NEXN: variants seen among roughly 807,000 people sequenced by gnomAD.
NEXN encodes the protein nexilin F-actin binding protein, also known as nexilin.
In NEXN, 65 loss-of-function variants were observed where a neutral mutation model predicts 92.6. That is an observed-to-expected ratio of 0.70 (90% CI 0.57 to 0.86). NEXN has a LOEUF of 0.86. Among genes scored for constraint, NEXN ranks in the 40% least tolerant of loss-of-function variants. NEXN has a pLI of 0.00. For synonymous variants in NEXN, 254 were observed against 242.5 expected, an observed-to-expected ratio of 1.05 and a Z score of -0.44; for missense variants, 778 against 771.1, an observed-to-expected ratio of 1.01 and a Z score of -0.11.
intron 7 of NEXN, 36 bp from the exon 8 acceptor site, chr1:77,926,678 TTA>T: frequency 1.2e-5 from 19 of 1,613,834 alleles, no homozygotes; most frequent in Non-Finnish European, 1.6e-5. Flanking sequence ...GCATTTTCCT[TTA>T]TGACTAAAAG....
At position 77,943,289 on chromosome 1, in the gene NEXN, T is replaced by A. The variant is rs527763693; in HGVS notation, c.*460T>A. 9.9e-4 allele frequency: 175 copies of A among 176,874 alleles called. No homozygotes were observed. The highest frequency in any genetic ancestry group is 4.0e-3 in the African/African-American group (168 of 41,568). The allele number at this position is 176,874 out of a possible 1,614,324, so 11.0% of individuals were successfully genotyped here. ...GAATACATTATTTTGCATGAAGGAATGTCATTTCTGAGCTTTTTACACCTA... is the reference window on the plus strand; with the variant it reads ...GAATACATTATTTTGCATGAAGGAAAGTCATTTCTGAGCTTTTTACACCTA... On this transcript the variant is annotated 3_prime_UTR_variant, in exon 13 of 13. Transcript: ENST00000334785.
At chr1:77,898,667 T>C (rs1222979744) in intron 1 of NEXN, among the ~76,000 whole-genome samples, 2 of 152,138 alleles carry the variant, frequency 1.3e-5, no homozygotes, top group East Asian at 1.9e-4. Context: ...AAATGGAATC[T>C]AATTAAACTA....
chr1:77,892,561 G>A (rs756766103), intron 1 of NEXN, among the ~76,000 whole-genome samples: 5 of 152,124 alleles, frequency 3.3e-5, no homozygotes, highest in Non-Finnish European at 5.9e-5. Flanking sequence ...TGCAGTCCCC[G>A]ATCTAAGTAT....
At chr1:77,890,677 T>G (rs1647085534) in intron 1 of NEXN, among the ~76,000 whole-genome samples, 1 of 152,156 alleles carries the variant, frequency 6.6e-6, no homozygotes, top group African/African-American at 2.4e-5. Context: ...GCTTAGAATC[T>G]GAGCGGCCTA....
intron 5 of NEXN, among the ~76,000 whole-genome samples, chr1:77,920,207 T>A (rs1485783064): frequency 2.0e-5 from 3 of 152,188 alleles, no homozygotes; most frequent in African/African-American, 2.4e-5. Flanking sequence ...AGTAATTTTA[T>A]CTTGTAAATA....
chr1:77,900,802 T>C (rs1349825068), intron 1 of NEXN, among the ~76,000 whole-genome samples: 1 of 152,220 alleles, frequency 6.6e-6, no homozygotes, highest in East Asian at 1.9e-4. Flanking sequence ...AATCGTATTC[T>C]TGATAACGAT....
intron 9 of NEXN, among the ~76,000 whole-genome samples, chr1:77,931,416 A>G (rs1650297635): frequency 3.8e-5 from 1 of 26,094 alleles, no homozygotes; most frequent in African/African-American, 1.7e-4. Flanking sequence ...CCGTCTCAAA[A>G]AAAAAAAAAA....
At chr1:77,908,419 A>C (rs1462383318) in intron 1 of NEXN, among the ~76,000 whole-genome samples, 1 of 27,248 alleles carries the variant, frequency 3.7e-5, no homozygotes, top group Non-Finnish European at 7.5e-5. Flanking sequence ...TTTTTTTTTG[A>C]GACAGAGTTT....
rs189246211 is a variant in NEXN, at chr1:77,925,000, T to A, written c.448-188T>A. Reference sequence around the variant, plus strand: ...TATGTTGTTTTCTGGATATTGATATTGATATCAATATGCAACAATAAATAT... The same window carrying A: ...TATGTTGTTTTCTGGATATTGATATAGATATCAATATGCAACAATAAATAT... On this transcript the variant is annotated intron_variant, in intron 5 of 12. Coordinates refer to ENST00000334785, the MANE Select transcript of NEXN (RefSeq NM_144573.4). Among the ~76,000 whole-genome samples the A allele has an allele frequency of 1.6e-4, 25 of 152,314 alleles. No individual in the cohort carries two copies. The East Asian group carries it at 4.8e-3, about 29-fold the overall frequency.
chr1:77,940,447 A>G (rs1210575314), intron 11 of NEXN, among the ~76,000 whole-genome samples: 1 of 152,190 alleles, frequency 6.6e-6, no homozygotes, highest in Admixed American at 6.5e-5. Flanking sequence ...AAAAGTTGAC[A>G]ATTGTACTTG....
chr1:77,929,610 C>T (rs1048770306), intron 9 of NEXN, 106 bp downstream of exon 9: 3 of 1,465,610 alleles, frequency 2.0e-6, no homozygotes, highest in African/African-American at 2.8e-5. Flanking sequence ...GGAAACTGTG[C>T]CAAGAGTAGA....
At chr1:77,895,029 A>ATTTTTTTTTTTTTTT (rs559226754) in intron 1 of NEXN, among the ~76,000 whole-genome samples, 4 of 61,652 alleles carry the variant, frequency 6.5e-5, no homozygotes, top group African/African-American at 2.7e-4. Flanking sequence ...CTATAGTGTA[A>ATTTTTTTTTTTTTTT]TTTTTTTTTT....
chr1:77,923,859 G>A (rs1649637862), intron 5 of NEXN, among the ~76,000 whole-genome samples: 1 of 151,566 alleles, frequency 6.6e-6, no homozygotes, highest in Non-Finnish European at 1.5e-5. Flanking sequence ...TCTATTTTTA[G>A]TAGAGACGGG....
In NEXN at chr1:77,942,017, T is replaced by C; in HGVS notation, c.1474-6T>C. 6.2e-7 allele frequency: 1 copy of C among 1,611,592 alleles called. No homozygotes were observed. Among genetic ancestry groups the C allele is most frequent in the East Asian group, 2.2e-5 (1 of 44,782 alleles). ...CAATTGTTAATCTTGGCCCACTTTCTTGCAGGAAGATGATGTTGATGTTAG... is the reference window on the plus strand; with the variant it reads ...CAATTGTTAATCTTGGCCCACTTTCCTGCAGGAAGATGATGTTGATGTTAG... On this transcript the variant is annotated splice_region_variant and splice_polypyrimidine_tract_variant and intron_variant, in intron 11 of 12. Coordinates refer to ENST00000334785, the MANE Select transcript of NEXN (RefSeq NM_144573.4).
intron 1 of NEXN, among the ~76,000 whole-genome samples, chr1:77,911,722 C>A (rs1648592621): frequency 1.4e-5 from 2 of 144,006 alleles, no homozygotes. Flanking sequence ...TGGGTCCTAT[C>A]CCCAAGATAG....
At chr1:77,928,772 C>T (rs143387416) in intron 8 of NEXN, among the ~76,000 whole-genome samples, 7 of 152,188 alleles carry the variant, frequency 4.6e-5, no homozygotes, top group South Asian at 2.1e-4. Context: ...TACACACATA[C>T]GCATTTTATA....
intron 9 of NEXN, chr1:77,931,615 AC>A (rs1650318215): frequency 1.3e-5 from 2 of 152,036 alleles, no homozygotes; most frequent in South Asian, 4.1e-4. Context: ...AAGAGAGAAA[AC>A]CTTCCTCTTA....
chr1:77,890,756 G>C (rs952288884), intron 1 of NEXN, among the ~76,000 whole-genome samples: 1 of 151,944 alleles, frequency 6.6e-6, no homozygotes, highest in Non-Finnish European at 1.5e-5. Flanking sequence ...ACAAAAAAAA[G>C]GGGGATTATT....
At position 77,935,829 on chromosome 1, in the gene NEXN, G is replaced by C. The variant is rs1650709418; in HGVS notation, c.1258G>C (p.Glu420Gln). ...QLRQEMGEEE[E>Q]ENETFGLSRE... ...TTATTAATTTTTTTTGAAGGAAGAG[G>C]AAGAAAATGAAACCTTTGGATTGAG... The change falls in exon 11 of 13, where the codon GAA becomes CAA. Residue 420 changes from glutamate to glutamine, a missense_variant. By Grantham distance (29) the Glu-to-Gln change is conservative. This residue lies in a region of NEXN where 532 missense variants were observed against 476.7 expected (regional missense o/e 1.12). Transcript: ENST00000334785. The C allele has an allele frequency of 1.2e-6, 2 of 1,611,208 alleles. No homozygotes were observed. Among genetic ancestry groups the C allele is most frequent in the African/African-American group, 2.7e-5 (2 of 74,798 alleles).
Sources: gnomAD v4.1 joint callset for allele counts (sites outside exome capture counted in the v4.1 genomes callset) on GRCh38, gnomAD v4.1.1 for gene constraint, gnomAD v4.1.1 regional missense constraint, MANE v1.5 for transcripts, NCBI Gene and HGNC (gene_info 2026-07-23, HGNC 2026-07-21) for gene names.